The following MAX variants were observed in gnomAD, a reference collection of about 807,000 sequenced individuals.
MAX encodes protein max.
In MAX, 3 loss-of-function variants were observed where a neutral mutation model predicts 22.3. The ratio of observed to expected loss-of-function variants is 0.13; its 90% CI spans 0.06 to 0.35. The LOEUF (loss-of-function observed/expected upper bound fraction) is 0.35. Ranked by LOEUF, MAX falls within the 10% of genes least tolerant of loss-of-function variation. The probability of loss-of-function intolerance (pLI) is 1.00; values close to 1 mark genes in which losing one functional copy is unlikely to be tolerated. For missense variants in MAX, 119 were observed against 209.4 expected (o/e 0.57, Z 2.66); for synonymous variants, 72 against 77.7 (o/e 0.93, Z 0.39).
In MAX at chr14:65,089,756, TAAAAAAAAAAAAAAAAAAAAAAAAA is replaced by T. The variant is rs55883101; in HGVS notation, c.171+3927_171+3951del. 3.6e-3 allele frequency among the ~76,000 whole-genome samples: 129 copies of T among 36,138 alleles called. 2 individuals are homozygous for T. Among genetic ancestry groups the T allele is most frequent in the East Asian group, 0.023 (16 of 706 alleles). 23.7% of individuals were successfully genotyped at this position (36,138 alleles called of 152,430 possible). Reference sequence around the variant, plus strand: ...ACTTTCTATAAAAGTAGCATCTCTGTAAAAAAAAAAAAAAAAAAAAAAAAAAAAAAAAAAAAAAAAAAAAAAAGCG... The same window carrying T: ...ACTTTCTATAAAAGTAGCATCTCTGTAAAAAAAAAAAAAAAAAAAAAAGCG... On this transcript the variant is annotated intron_variant, in intron 3 of 4. Transcript: ENST00000358664.
chr14:65,100,473 T>G (rs1048045771), intron 2 of MAX, among the ~76,000 whole-genome samples: 1 of 151,918 alleles, frequency 6.6e-6, no homozygotes, highest in African/African-American at 2.4e-5. Context: ...AAAATAAAAT[T>G]AAAAATAGGA....
chr14:65,052,555 C>T (rs1296105083), intron 3 of MAX, among the ~76,000 whole-genome samples: 2 of 152,122 alleles, frequency 1.3e-5, no homozygotes, highest in Admixed American at 6.6e-5. Flanking sequence ...ACTGTGTGGC[C>T]CACAGAATTC....
Position 65,038,192 on chromosome 14 carries a change from C to T in MAX, c.172-31908G>A, listed in dbSNP as rs540350380. 6.6e-5 allele frequency among the ~76,000 whole-genome samples: 10 copies of T among 152,112 alleles called. No homozygotes were observed. In the East Asian group the frequency reaches 7.8e-4, roughly 12 times the overall value. ...TTGGGAGGCTGAGGCGGGCGGATCA[C>T]GAGGTCAGGAGTTCGAGACCAGCTT... is the stretch of plus-strand genomic sequence containing the variant. On this transcript the variant is annotated intron_variant, in intron 3 of 3. Transcript: ENST00000341653.
In MAX at chr14:65,032,019, T is replaced by C. The variant is rs918724931; in HGVS notation, c.172-25735A>G. ...GTGTGTGTGTGTGTGTGTGTGTGTG[T>C]ACTGGTGAGAGGTTTGAAATCAAGG... On this transcript the variant is annotated intron_variant, in intron 3 of 3. Transcript: ENST00000341653. The surrounding 1 kb of genome is among the most constrained non-coding windows in gnomAD (Gnocchi z 5.0). 2.0e-5 allele frequency among the ~76,000 whole-genome samples: 3 copies of C among 148,666 alleles called. No individual in the cohort carries two copies. The highest frequency in any genetic ancestry group is 4.2e-4 in the South Asian group (2 of 4,730).
At chr14:65,037,722 G>T (rs2062235080) in intron 3 of MAX, among the ~76,000 whole-genome samples, 1 of 143,014 alleles carries the variant, frequency 7.0e-6, no homozygotes, top group Non-Finnish European at 1.5e-5. Flanking sequence ...ACCATGCCCA[G>T]CCTCTTATTT....
intron 3 of MAX, chr14:65,006,357 G>T (rs751000408): frequency 7.5e-5 from 120 of 1,592,816 alleles, no homozygotes; most frequent in Non-Finnish European, 8.3e-5. Context: ...CCAAATCTCT[G>T]CATTAACCCA....
chr14:65,024,581 A>C (rs2139563062), intron 3 of MAX, among the ~76,000 whole-genome samples: 1 of 152,342 alleles, frequency 6.6e-6, no homozygotes, highest in Non-Finnish European at 1.5e-5. Flanking sequence ...CACGTAAGCT[A>C]GAATGAAATG....
At chr14:65,074,511 T>C (rs988920806), downstream of MAX, among the ~76,000 whole-genome samples, 1 of 152,232 alleles carries the variant, frequency 6.6e-6, no homozygotes, top group Non-Finnish European at 1.5e-5. Flanking sequence ...TGATTTGACT[T>C]GACTTCCTCT....
At position 65,044,100 on chromosome 14, in the gene MAX, G is replaced by GA. The variant is rs917460823; in HGVS notation, c.172-37817dup. ...AGGCATTGAGCAGAGATCAGTGCTG[G>GA]ATGCCTCTACAGCGTTGGCTTAAAT... On this transcript the variant is annotated intron_variant, in intron 3 of 3. Coordinates refer to the MAX transcript ENST00000341653. The surrounding 1 kb of genome is among the most constrained non-coding windows in gnomAD (Gnocchi z 5.5). Among the ~76,000 whole-genome samples the GA allele has an allele frequency of 2.0e-5, 3 of 152,310 alleles. No individual in the cohort carries two copies. Among genetic ancestry groups the GA allele is most frequent in the African/African-American group, 7.2e-5 (3 of 41,580 alleles).
At chr14:65,080,390 A>C (rs141328687) in intron 3 of MAX, among the ~76,000 whole-genome samples, 70 of 152,342 alleles carry the variant, frequency 4.6e-4, no homozygotes, top group Middle Eastern at 3.4e-3. Context: ...TTATTAGGTG[A>C]CAAAATGGGG....
At chr14:65,057,509 T>G (rs937910506) in intron 3 of MAX, among the ~76,000 whole-genome samples, 1 of 152,164 alleles carries the variant, frequency 6.6e-6, no homozygotes, top group African/African-American at 2.4e-5. Context: ...GGTTTGTTTT[T>G]GGGGGAGGGT....
intron 3 of MAX, among the ~76,000 whole-genome samples, chr14:65,066,847 A>C (rs1428961427): frequency 7.7e-6 from 1 of 130,154 alleles, no homozygotes; most frequent in African/African-American, 3.0e-5. Flanking sequence ...TGGCAACAAG[A>C]GTGAAATTCC....
At chr14:65,075,119 C>T, downstream of MAX, 5 of 1,015,508 alleles carry the variant, frequency 4.9e-6, no homozygotes, top group African/African-American at 3.4e-5. This position sits in a 1 kb window ranked among gnomAD's most constrained non-coding sequence, Gnocchi z 4.1. Context: ...GAAGACACCA[C>T]CACCAAGAAG....
At chr14:65,019,359 C>T (rs1301320071) in intron 3 of MAX, among the ~76,000 whole-genome samples, 6 of 151,202 alleles carry the variant, frequency 4.0e-5, no homozygotes. Flanking sequence ...TGGTGGCTGG[C>T]ACCTGTAATC....
chr14:65,065,923 C>T (rs1036057192), intron 3 of MAX, among the ~76,000 whole-genome samples: 6 of 152,172 alleles, frequency 3.9e-5, no homozygotes, highest in African/African-American at 7.2e-5. Flanking sequence ...GGAGAGCTTA[C>T]GTAAATCACC....
At chr14:65,095,575 A>G (rs758894047) in intron 2 of MAX, among the ~76,000 whole-genome samples, 1 of 152,206 alleles carries the variant, frequency 6.6e-6, no homozygotes, top group African/African-American at 2.4e-5. Context: ...CTACATAAAG[A>G]TAAGTTGGGC....
At position 65,011,258 on chromosome 14, in the gene MAX, G is replaced by A. The variant is rs544164900; in HGVS notation, c.172-4974C>T. Among the ~76,000 whole-genome samples, 208 of 151,990 alleles carry A rather than the reference G, an allele frequency of 1.4e-3. No homozygotes were observed. The highest frequency in any genetic ancestry group is 4.7e-3 in the African/African-American group (193 of 41,452). The stretch of plus-strand genomic sequence containing the variant: ...GCCTGGGCAACATGGTGAAACCCCC[G>A]TCTCCACTAAAAATACAAAAATTAG... On this transcript the variant is annotated intron_variant, in intron 3 of 3. Coordinates refer to the MAX transcript ENST00000341653. This position sits in a 1 kb window ranked among gnomAD's most constrained non-coding sequence, Gnocchi z 4.0.
chr14:65,084,174 C>A lies in MAX; in HGVS notation c.172-6138G>T. 1 of 1,613,640 alleles carries A rather than the reference C, an allele frequency of 6.2e-7. No homozygotes were observed. Among genetic ancestry groups the A allele is most frequent in the South Asian group, 1.1e-5 (1 of 91,026 alleles). On this transcript the variant is annotated intron_variant, in intron 3 of 4. Coordinates refer to ENST00000358664, the MANE Select transcript of MAX (RefSeq NM_002382.5). The surrounding 1 kb of genome is among the most constrained non-coding windows in gnomAD (Gnocchi z 4.3). ...CATTTGTGTAAGGGGTCAAAACAATCATTTTTTAAATCTTGCATTCTTTTT... is the reference window on the plus strand; with the variant it reads ...CATTTGTGTAAGGGGTCAAAACAATAATTTTTTAAATCTTGCATTCTTTTT...
Position 65,076,279 on chromosome 14 carries a change from T to C in MAX, c.*197A>G. ...TCCCTGAAGGGAATACATTAAAAAA[T>C]ATACAGTGGAAATGGGGAAGGAGAA... On this transcript the variant is annotated 3_prime_UTR_variant, in exon 5 of 5. Coordinates refer to ENST00000358664, the MANE Select transcript of MAX (RefSeq NM_002382.5). This position sits in a 1 kb window ranked among gnomAD's most constrained non-coding sequence, Gnocchi z 6.6. 2.1e-6 allele frequency: 3 copies of C among 1,446,370 alleles called. No homozygotes were observed. The highest frequency in any genetic ancestry group is 2.9e-5 in the African/African-American group (2 of 69,458). 89.6% of individuals were successfully genotyped at this position (1,446,370 alleles called of 1,614,324 possible). A position where few individuals can be genotyped will look rare whatever the true frequency, so the allele number is the denominator to read the frequency against.
Sources: allele counts gnomAD v4.1 joint callset (sites outside exome capture counted in the v4.1 genomes callset), GRCh38; gene constraint gnomAD v4.1.1; non-coding constraint Gnocchi (gnomAD v3.1); transcripts MANE v1.5; gene names NCBI Gene and HGNC (gene_info 2026-07-23, HGNC 2026-07-21).